The following CNNM3 variants were observed in gnomAD, a reference collection of about 807,000 sequenced individuals.
CNNM3 encodes metal transporter CNNM3.
Under a neutral mutation model 57.1 loss-of-function variants are expected in CNNM3, and 47 were observed. The observed-to-expected ratio is 0.82, with a 90% CI of 0.65 to 1.05. The LOEUF (loss-of-function observed/expected upper bound fraction) is 1.05, where lower values mean the gene tolerates loss of function less well. CNNM3 is among the 50% of genes least tolerant of loss of function. The probability of loss-of-function intolerance (pLI) is 0.00; values close to 1 mark genes in which losing one functional copy is unlikely to be tolerated. For missense variants in CNNM3, 957 were observed against 973.7 expected (o/e 0.98, Z 0.23); for synonymous variants, 507 against 478.2 (o/e 1.06, Z -0.79).
intron 7 of CNNM3, 21 bp from the exon 8 acceptor site, chr2:96,832,531 T>C: frequency 6.2e-7 from 1 of 1,614,082 alleles, no homozygotes; most frequent in Non-Finnish European, 8.5e-7. Context: ...ATGTTAATTC[T>C]CCTTCCCTTG....
Position 96,831,872 on chromosome 2 carries a change from G to A in CNNM3, c.2060-680G>A, listed in dbSNP as rs762512591. The A allele has an allele frequency of 5.0e-5, 30 of 598,742 alleles. No homozygotes were observed. The Admixed American group carries it at 7.6e-4, about 15-fold the overall frequency. 37.1% of individuals were successfully genotyped at this position (598,742 alleles called of 1,614,324 possible). A position where few individuals can be genotyped will look rare whatever the true frequency, so the allele number is the denominator to read the frequency against. On this transcript the variant is annotated intron_variant, in intron 7 of 7. Coordinates refer to ENST00000305510, the MANE Select transcript of CNNM3 (RefSeq NM_017623.5). ...GCTCTCCCTCAGCTTCCCCTGCCCGGGGCACCGGCCCTCTCCATGGTGCTG... is the reference window on the plus strand; with the variant it reads ...GCTCTCCCTCAGCTTCCCCTGCCCGAGGCACCGGCCCTCTCCATGGTGCTG...
chr2:96,823,826 C>G (rs1054992629), intron 1 of CNNM3, among the ~76,000 whole-genome samples: 1 of 152,200 alleles, frequency 6.6e-6, no homozygotes, highest in African/African-American at 2.4e-5. Context: ...ATCCCCCTGT[C>G]CTGGACCTGT....
intron 2 of CNNM3, among the ~76,000 whole-genome samples, chr2:96,826,177 A>C (rs2079500532): frequency 6.6e-6 from 1 of 151,946 alleles, no homozygotes; most frequent in African/African-American, 2.4e-5. Flanking sequence ...TATAGTGAGA[A>C]GTTTTTCAGT....
At chr2:96,821,735 C>T (rs568320185) in intron 1 of CNNM3, among the ~76,000 whole-genome samples, 35 of 152,236 alleles carry the variant, frequency 2.3e-4, no homozygotes, top group Non-Finnish European at 4.4e-4. Flanking sequence ...TCAGCCTGGC[C>T]CACCTTAAAC....
At chr2:96,827,469 T>C (rs1470443508) in intron 3 of CNNM3, among the ~76,000 whole-genome samples, 1 of 151,996 alleles carries the variant, frequency 6.6e-6, no homozygotes, top group African/African-American at 2.4e-5. Context: ...GGTTTTGCCA[T>C]ATTGGCCAGG....
intron 1 of CNNM3, among the ~76,000 whole-genome samples, chr2:96,819,453 C>T (rs2079374663): frequency 6.6e-6 from 1 of 152,186 alleles, no homozygotes; most frequent in East Asian, 1.9e-4. Context: ...TGGCCAGTGC[C>T]TGGCGTGCAT....
intron 1 of CNNM3, among the ~76,000 whole-genome samples, chr2:96,822,007 T>TA (rs1192990376): frequency 0.086 from 12,293 of 143,506 alleles, 593 homozygotes; most frequent in African/African-American, 0.14. Flanking sequence ...TTATTATTAT[T>TA]TTTTTTTTTT....
Position 96,833,571 on chromosome 2 carries a change from T to C in CNNM3, c.*955T>C, listed in dbSNP as rs905265875. On this transcript the variant is annotated 3_prime_UTR_variant, in exon 8 of 8. Transcript: ENST00000305510. ...AAAAAAAAAAAGTTTTTGTTATATC[T>C]CTAGAACATTTCAAGTCTTTTCCTT... 4 of 152,434 alleles carry C rather than the reference T, an allele frequency of 2.6e-5. No individual in the cohort carries two copies. The highest frequency in any genetic ancestry group is 4.4e-5 in the Non-Finnish European group (3 of 68,240). The allele number at this position is 152,434 out of a possible 1,614,324, so 9.4% of individuals were successfully genotyped here. A position where few individuals can be genotyped will look rare whatever the true frequency, so the allele number is the denominator to read the frequency against.
chr2:96,819,495 T>G (rs542110615), intron 1 of CNNM3, among the ~76,000 whole-genome samples: 26 of 152,306 alleles, frequency 1.7e-4, no homozygotes, highest in African/African-American at 6.0e-4. Flanking sequence ...CAGGTGGTTC[T>G]TACTCCGGGA....
At position 96,817,367 on chromosome 2, in the gene CNNM3, T is replaced by A; in HGVS notation, c.1090T>A (p.Tyr364Asn). The A allele has an allele frequency of 6.2e-7, 1 of 1,614,176 alleles. No individual in the cohort carries two copies. Among genetic ancestry groups the A allele is most frequent in the Non-Finnish European group, 8.5e-7 (1 of 1,180,034 alleles). Reference protein sequence around the residue: ...EERSNIVDMLYLKDLAFVDPE... With the variant: ...EERSNIVDMLNLKDLAFVDPE... The stretch of plus-strand genomic sequence containing the variant: ...GCGCTCCAACATCGTGGACATGCTC[T>A]ACCTCAAGGACTTGGCCTTCGTGGA... The change falls in exon 1 of 8, where the codon TAC becomes AAC. Residue 364 changes from tyrosine (Y) to asparagine (N), a missense_variant. This residue lies in a region of CNNM3 where 491 missense variants were observed against 570.6 expected (regional missense o/e 0.86). Transcript: ENST00000305510.
chr2:96,829,272 T>C (rs1418180431), intron 7 of CNNM3, 138 bp downstream of exon 7: 3 of 1,183,744 alleles, frequency 2.5e-6, no homozygotes, highest in Non-Finnish European at 2.1e-6. Context: ...CCCTTCTTTA[T>C]ATATATATAT....
At position 96,826,222 on chromosome 2, in the gene CNNM3, T is replaced by G. The variant is rs1016504580; in HGVS notation, c.1370-611T>G. 3.3e-5 allele frequency among the ~76,000 whole-genome samples: 5 copies of G among 152,102 alleles called. 1 individual carries two copies. The highest frequency in any genetic ancestry group is 3.3e-4 in the Admixed American group (5 of 15,258). ...GGCTGTTATTATTTTTTAATTTTTT[T>G]TTTTTATTTTGAGACGGTCTTGCTC... On this transcript the variant is annotated intron_variant, in intron 2 of 7. Transcript: ENST00000305510.
chr2:96,827,106 T>A, intron 3 of CNNM3, 124 bp downstream of exon 3: 1 of 1,051,162 alleles, frequency 9.5e-7, no homozygotes, highest in Non-Finnish European at 1.4e-6. Context: ...TGAGGACTTC[T>A]GTGTTCTCTG....
At chr2:96,832,382 G>A in intron 7 of CNNM3, 170 bp from the exon 8 acceptor site, 1 of 1,490,320 alleles carries the variant, frequency 6.7e-7, no homozygotes, top group East Asian at 2.3e-5. Flanking sequence ...GCATCTGTTG[G>A]CTGACCATCT....
At chr2:96,829,544 G>T (rs541760568) in intron 7 of CNNM3, among the ~76,000 whole-genome samples, 1 of 150,874 alleles carries the variant, frequency 6.6e-6, no homozygotes, top group Non-Finnish European at 1.5e-5. Flanking sequence ...CAGATGATCC[G>T]CCTGCCTCAC....
chr2:96,820,409 C>T (rs959863678), intron 1 of CNNM3, among the ~76,000 whole-genome samples: 75 of 152,216 alleles, frequency 4.9e-4, no homozygotes, highest in African/African-American at 1.7e-3. Flanking sequence ...CCTAGCAGGC[C>T]GTTGATGTGA....
chr2:96,830,785 C>A (rs2079589162), intron 7 of CNNM3, among the ~76,000 whole-genome samples: 1 of 152,200 alleles, frequency 6.6e-6, no homozygotes, highest in South Asian at 2.1e-4. Context: ...GCCTCAGCCT[C>A]CAAAGTAGCT....
At chr2:96,829,834 C>A (rs2079572039) in intron 7 of CNNM3, among the ~76,000 whole-genome samples, 3 of 152,228 alleles carry the variant, frequency 2.0e-5, no homozygotes, top group South Asian at 4.1e-4. Flanking sequence ...AAGTTTAGGT[C>A]ACTTTGAGTC....
In CNNM3 at chr2:96,816,556, C is replaced by A. The variant is rs2079321052; in HGVS notation, c.279C>A (p.Pro93=). Residue 93 remains proline, a synonymous_variant, in exon 1 of 8, where the codon CCC becomes CCA. Transcript: ENST00000305510. ...GAGCREEAAS[P]AGEWRALLRL... ...GCTGCCGGGAGGAGGCGGCCTCCCC[C>A]GCGGGCGAGTGGCGCGCGCTGCTGC... is the stretch of plus-strand genomic sequence containing the variant. 1.5e-6 allele frequency: 2 copies of A among 1,319,434 alleles called. No homozygotes were observed. Among genetic ancestry groups the A allele is most frequent in the Non-Finnish European group, 1.9e-6 (2 of 1,037,838 alleles). 81.7% of individuals were successfully genotyped at this position (1,319,434 alleles called of 1,614,324 possible).
Sources: allele counts gnomAD v4.1 joint callset (sites outside exome capture counted in the v4.1 genomes callset), GRCh38; gene constraint gnomAD v4.1.1; regional missense constraint gnomAD v4.1.1; transcripts MANE v1.5; gene names NCBI Gene and HGNC (gene_info 2026-07-23, HGNC 2026-07-21).